APBB2: variants seen among roughly 807,000 people sequenced by gnomAD.
The protein encoded by APBB2 is amyloid beta precursor protein binding family B member 2.
APBB2 carries 38 observed loss-of-function variants against 82.5 expected under a neutral mutation model. That is an observed-to-expected ratio of 0.46 (90% confidence interval 0.36 to 0.60). The LOEUF (loss-of-function observed/expected upper bound fraction) is 0.60, where lower values mean the gene tolerates loss of function less well. Among genes scored for constraint, APBB2 ranks in the 20% least tolerant of loss-of-function variants. APBB2 has a pLI of 0.00. For missense variants in APBB2, 772 were observed against 972.3 expected, an observed-to-expected ratio of 0.79 and a Z score of 2.74; for synonymous variants, 341 against 368.2, an observed-to-expected ratio of 0.93 and a Z score of 0.85.
intron 6 of APBB2, among the ~76,000 whole-genome samples, chr4:40,948,139 C>G (rs758817999): frequency 1.3e-5 from 2 of 152,074 alleles, no homozygotes; most frequent in Non-Finnish European, 2.9e-5. Flanking sequence ...GGCTGGAGAC[C>G]AAGAAATCTT....
At chr4:41,010,629 C>A (rs1228345272) in intron 6 of APBB2, among the ~76,000 whole-genome samples, 1 of 152,144 alleles carries the variant, frequency 6.6e-6, no homozygotes, top group Non-Finnish European at 1.5e-5. Context: ...CTCAATAAGC[C>A]AAGGGGCTAT....
chr4:40,968,014 C>T (rs1473412694), intron 6 of APBB2, among the ~76,000 whole-genome samples: 1 of 152,210 alleles, frequency 6.6e-6, no homozygotes, highest in Non-Finnish European at 1.5e-5. Context: ...AAGTGCCAAA[C>T]ACTGAGCAGT....
intron 4 of APBB2, among the ~76,000 whole-genome samples, chr4:41,059,107 T>A (rs1193797030): frequency 8.6e-6 from 1 of 116,112 alleles, no homozygotes; most frequent in Non-Finnish European, 1.9e-5. Context: ...GGCTCCCACC[T>A]AGAGGTATGG....
At chr4:40,941,130 GTTAT>G (rs1356357669) in intron 7 of APBB2, among the ~76,000 whole-genome samples, 1 of 143,590 alleles carries the variant, frequency 7.0e-6, no homozygotes, top group Non-Finnish European at 1.5e-5. Flanking sequence ...TTAGCACTTA[GTTAT>G]TTGATTCTTT....
At position 40,929,300 on chromosome 4, in the gene APBB2, G is replaced by A. The variant is rs187164047; in HGVS notation, c.1254+5156C>T. Among the ~76,000 whole-genome samples the A allele has an allele frequency of 2.5e-3, 380 of 152,146 alleles. 1 individual carries two copies. The highest frequency in any genetic ancestry group is 8.7e-3 in the African/African-American group (363 of 41,536). On this transcript the variant is annotated intron_variant, in intron 10 of 17. Coordinates refer to ENST00000508593, the MANE Select transcript of APBB2 (RefSeq NM_004307.2). ...TCCTGTGTCTATGATAATTTAATAAGGGGAAATTATTTATTTATTTATTTT... is the reference window on the plus strand; with the variant it reads ...TCCTGTGTCTATGATAATTTAATAAAGGGAAATTATTTATTTATTTATTTT...
chr4:40,881,145 T>C, intron 12 of APBB2: 3 of 985,434 alleles, frequency 3.0e-6, no homozygotes, highest in Non-Finnish European at 3.6e-6. Flanking sequence ...AACGGTCAAG[T>C]AAATCGTGAT....
intron 12 of APBB2, among the ~76,000 whole-genome samples, chr4:40,872,740 G>GT (rs1765844147): frequency 6.6e-6 from 1 of 151,820 alleles, no homozygotes; most frequent in Non-Finnish European, 1.5e-5. Context: ...ACAGATCACT[G>GT]TAAGATACAC....
At chr4:41,104,076 A>G (rs1038495746) in intron 2 of APBB2, among the ~76,000 whole-genome samples, 1 of 152,230 alleles carries the variant, frequency 6.6e-6, no homozygotes, top group Admixed American at 6.5e-5. Flanking sequence ...TTCATTCTGA[A>G]TAAAGAAATT....
intron 17 of APBB2, among the ~76,000 whole-genome samples, chr4:40,817,966 T>G (rs1746383654): frequency 1.3e-5 from 2 of 152,206 alleles, no homozygotes; most frequent in South Asian, 4.2e-4. Flanking sequence ...TTTCAAATAG[T>G]AGTCACGTAC....
At chr4:40,971,896 T>C (rs536530277) in intron 6 of APBB2, among the ~76,000 whole-genome samples, 10 of 152,178 alleles carry the variant, frequency 6.6e-5, no homozygotes, top group Admixed American at 2.0e-4. Context: ...GCATAATGAA[T>C]CCTTTCATGT....
intron 10 of APBB2, among the ~76,000 whole-genome samples, chr4:40,921,890 G>C (rs867409485): frequency 5.3e-5 from 8 of 152,342 alleles, no homozygotes; most frequent in African/African-American, 1.4e-4. Context: ...GGCTGGGGCA[G>C]AAAAGTGGGA....
intron 12 of APBB2, among the ~76,000 whole-genome samples, chr4:40,846,154 AT>A (rs1757568352): frequency 6.6e-6 from 1 of 151,934 alleles, no homozygotes; most frequent in Admixed American, 6.6e-5. Context: ...TGAGAGTGCC[AT>A]AAAATTCCAT....
At chr4:40,942,775 A>C (rs1306122573) in intron 7 of APBB2, among the ~76,000 whole-genome samples, 1 of 152,052 alleles carries the variant, frequency 6.6e-6, no homozygotes, top group Non-Finnish European at 1.5e-5. Context: ...GTAGGCAAAA[A>C]TGGGCTCCAG....
chr4:41,202,723 C>T (rs975163808), intron 1 of APBB2, among the ~76,000 whole-genome samples: 39 of 152,272 alleles, frequency 2.6e-4, no homozygotes, highest in East Asian at 1.4e-3. Context: ...TCAATACTAA[C>T]GTAAAATAAA....
chr4:41,108,946 A>G (rs1363432915), intron 2 of APBB2, among the ~76,000 whole-genome samples: 2 of 152,208 alleles, frequency 1.3e-5, no homozygotes, highest in Non-Finnish European at 2.9e-5. Context: ...CACAGGCCAC[A>G]TGGCCTCGCA....
chr4:41,064,600 T>C (rs1731044195), intron 4 of APBB2, among the ~76,000 whole-genome samples: 1 of 152,096 alleles, frequency 6.6e-6, no homozygotes, highest in African/African-American at 2.4e-5. Flanking sequence ...TTCATAGAAA[T>C]AAACATAGAT....
chr4:41,153,932 T>C (rs75215824), intron 1 of APBB2, among the ~76,000 whole-genome samples: 1 of 152,218 alleles, frequency 6.6e-6, no homozygotes. Context: ...AAGGAGTTTA[T>C]ACCTAGTTTA....
At chr4:41,053,341 G>A (rs1211556260) in intron 4 of APBB2, among the ~76,000 whole-genome samples, 1 of 151,260 alleles carries the variant, frequency 6.6e-6, no homozygotes, top group African/African-American at 2.4e-5. Context: ...CCTTCCATGT[G>A]GAAAGTAATC....
At position 40,814,090 on chromosome 4, in the gene APBB2, A is replaced by G. The variant is rs1577615130; in HGVS notation, c.*2002T>C. ...AGAAAAGCCACCCACTCATTCCATCATGATCTCTGGTGGCTAAGTACCATG... is the reference window on the plus strand; with the variant it reads ...AGAAAAGCCACCCACTCATTCCATCGTGATCTCTGGTGGCTAAGTACCATG... On this transcript the variant is annotated 3_prime_UTR_variant, in exon 18 of 18. Coordinates refer to ENST00000508593, the MANE Select transcript of APBB2 (RefSeq NM_004307.2). 1 of 152,222 alleles carries G rather than the reference A, an allele frequency of 6.6e-6. No homozygotes were observed. The highest frequency in any genetic ancestry group is 6.5e-5 in the Admixed American group (1 of 15,286). 9.4% of individuals were successfully genotyped at this position (152,222 alleles called of 1,614,324 possible).
Sources: allele counts gnomAD v4.1 joint callset (sites outside exome capture counted in the v4.1 genomes callset), GRCh38; gene constraint gnomAD v4.1.1; transcripts MANE v1.5; gene names NCBI Gene and HGNC (gene_info 2026-07-23, HGNC 2026-07-21).